The following RCAN1 variants were observed in gnomAD, a reference collection of about 807,000 sequenced individuals.
RCAN1 encodes the protein calcipressin-1.
A neutral mutation model predicts 22.9 loss-of-function variants in RCAN1; 11 were observed. That is an observed-to-expected ratio of 0.48 (90% CI 0.30 to 0.79). The LOEUF (loss-of-function observed/expected upper bound fraction) is 0.79, where lower values mean the gene tolerates loss of function less well. RCAN1 is among the 30% of genes least tolerant of loss of function. RCAN1 has a pLI of 0.06. For synonymous variants in RCAN1, 136 were observed against 142.3 expected (o/e 0.96, Z 0.32); for missense variants, 291 against 337.8 (o/e 0.86, Z 1.09).
At chr21:34,549,818 A>G (rs935158238) in intron 1 of RCAN1, among the ~76,000 whole-genome samples, 5 of 152,116 alleles carry the variant, frequency 3.3e-5, no homozygotes, top group African/African-American at 4.8e-5. Context: ...CCATCCATCC[A>G]TCCATCCACC....
At chr21:34,540,119 T>C (rs573163924) in intron 1 of RCAN1, among the ~76,000 whole-genome samples, 1 of 152,332 alleles carries the variant, frequency 6.6e-6, no homozygotes, top group Non-Finnish European at 1.5e-5. Flanking sequence ...GAATCTCCTT[T>C]CTAACAAGAC....
intron 3 of RCAN1, among the ~76,000 whole-genome samples, chr21:34,520,750 T>C (rs1984450668): frequency 1.3e-5 from 2 of 152,276 alleles, no homozygotes; most frequent in South Asian, 4.1e-4. Flanking sequence ...ACCAACATTT[T>C]ATGGTTTTCA....
intron 1 of RCAN1, among the ~76,000 whole-genome samples, chr21:34,576,265 A>C (rs1987408183): frequency 1.3e-5 from 2 of 152,224 alleles, no homozygotes; most frequent in South Asian, 4.1e-4. Context: ...TGCAATAAAC[A>C]AGTCACAGAG....
intron 1 of RCAN1, among the ~76,000 whole-genome samples, chr21:34,556,006 T>C (rs1196820081): frequency 1.3e-5 from 2 of 149,360 alleles, no homozygotes; most frequent in Admixed American, 6.8e-5. Context: ...GAGCTTGCAG[T>C]GAGCTGAGAT....
chr21:34,599,134 A>T (rs1404252461), intron 1 of RCAN1, among the ~76,000 whole-genome samples: 1 of 152,196 alleles, frequency 6.6e-6, no homozygotes, highest in Non-Finnish European at 1.5e-5. Flanking sequence ...TGGCTCAGAA[A>T]TTCCACTTCT....
intron 1 of RCAN1, among the ~76,000 whole-genome samples, chr21:34,551,420 A>T (rs1256383152): frequency 6.6e-6 from 1 of 152,212 alleles, no homozygotes; most frequent in Non-Finnish European, 1.5e-5. Context: ...TTATTTGAAA[A>T]TTCCATGGTA....
At chr21:34,558,358 G>A (rs1350876535) in intron 1 of RCAN1, among the ~76,000 whole-genome samples, 1 of 152,192 alleles carries the variant, frequency 6.6e-6, no homozygotes. Flanking sequence ...AGGAAAGCAG[G>A]CCTCAGGTTC....
chr21:34,520,932 C>T (rs981327851), intron 3 of RCAN1: 17 of 337,444 alleles, frequency 5.0e-5, no homozygotes, highest in African/African-American at 2.6e-4. Flanking sequence ...CTCCAGAGGA[C>T]GGGAACTTCC....
chr21:34,550,582 A>C (rs1484180788), intron 1 of RCAN1, among the ~76,000 whole-genome samples: 1 of 152,200 alleles, frequency 6.6e-6, no homozygotes, highest in Non-Finnish European at 1.5e-5. Context: ...TGAGGGAAAT[A>C]GCCCTGCCAT....
At chr21:34,572,435 C>T (rs909137248) in intron 1 of RCAN1, among the ~76,000 whole-genome samples, 1 of 152,108 alleles carries the variant, frequency 6.6e-6, no homozygotes, top group African/African-American at 2.4e-5. Context: ...CAGGGGGTGA[C>T]TAGGAGCTAA....
chr21:34,592,375 T>C, intron 1 of RCAN1, among the ~76,000 whole-genome samples: 1 of 152,190 alleles, frequency 6.6e-6, no homozygotes, highest in East Asian at 1.9e-4. Context: ...CACTGTCTTC[T>C]GACTGACTGG....
At position 34,614,935 on chromosome 21, in the gene RCAN1, G is replaced by T; in HGVS notation, c.77C>A (p.Pro26His). Residue 26 changes from proline to histidine, a missense_variant, in exon 1 of 4, where the codon CCC (proline) becomes CAC (histidine). Physicochemically the swap from Pro to His is moderately conservative, Grantham distance 77. Transcript: ENST00000313806. The surrounding 1 kb of genome is among the most constrained non-coding windows in gnomAD (Gnocchi z 6.0). ...CGCGAAGGGCCGCAGCGTCACCCCG[G>T]GCCGCGCTCGCGCCTCGGCCGCCTC... Reference protein sequence around the residue: ...AAEAAEARARPGVTLRPFAPL... With the variant: ...AAEAAEARARHGVTLRPFAPL... The T allele has an allele frequency of 1.5e-6, 2 of 1,294,796 alleles. No individual in the cohort carries two copies. Among genetic ancestry groups the T allele is most frequent in the African/African-American group, 3.2e-5 (2 of 63,478 alleles). 80.2% of individuals were successfully genotyped at this position (1,294,796 alleles called of 1,614,324 possible). A position where few individuals can be genotyped will look rare whatever the true frequency, so the allele number is the denominator to read the frequency against.
chr21:34,562,319 C>T (rs1029668344), intron 1 of RCAN1, among the ~76,000 whole-genome samples: 3 of 142,592 alleles, frequency 2.1e-5, no homozygotes, highest in Non-Finnish European at 3.0e-5. Context: ...ATGACTTCCC[C>T]GAATATTCTG....
At chr21:34,596,578 C>T (rs1375777167) in intron 1 of RCAN1, among the ~76,000 whole-genome samples, 5 of 152,138 alleles carry the variant, frequency 3.3e-5, no homozygotes, top group East Asian at 1.9e-4. Context: ...GCTGGGTTCT[C>T]GTAAGGTTTA....
intron 1 of RCAN1, among the ~76,000 whole-genome samples, chr21:34,593,353 GTTC>G (rs1988033642): frequency 6.6e-6 from 1 of 152,206 alleles, no homozygotes; most frequent in South Asian, 2.1e-4. Context: ...AGGCACAACT[GTTC>G]TCACCATATG....
At chr21:34,532,944 T>C (rs1601144960) in intron 1 of RCAN1, among the ~76,000 whole-genome samples, 1 of 148,436 alleles carries the variant, frequency 6.7e-6, no homozygotes, top group Admixed American at 6.9e-5. Flanking sequence ...TACAGTCATA[T>C]GATAAAAAAC....
In RCAN1 at chr21:34,521,595, G is replaced by A; in HGVS notation, c.490C>T (p.Pro164Ser). 6.2e-7 allele frequency: 1 copy of A among 1,614,172 alleles called. No individual in the cohort carries two copies. Among genetic ancestry groups the A allele is most frequent in the Non-Finnish European group, 8.5e-7 (1 of 1,180,036 alleles). ...CATCCCACTGGCGGAGAGGCGGGAG[G>A]GGAGATCAGAAACTGCTTGTCTGGA... ...PNPDKQFLIS[P>S]PASPPVGWKQ... The change falls in exon 3 of 4, where the codon CCT becomes TCT. Residue 164 changes from proline to serine, a missense_variant. Transcript: ENST00000313806.
intron 1 of RCAN1, among the ~76,000 whole-genome samples, chr21:34,592,990 G>A (rs1242612894): frequency 1.3e-5 from 2 of 152,198 alleles, no homozygotes. Context: ...CAGTACAGAA[G>A]ACCCATGAGG....
chr21:34,533,951 C>T (rs9984996), intron 1 of RCAN1, among the ~76,000 whole-genome samples: 55,396 of 151,880 alleles, frequency 0.36, 11,240 homozygotes, highest in African/African-American at 0.56. Flanking sequence ...AGGGTGGCTG[C>T]GGAGGAGGGT....
Sources: gnomAD v4.1 joint callset for allele counts (sites outside exome capture counted in the v4.1 genomes callset) on GRCh38, gnomAD v4.1.1 for gene constraint, Gnocchi (gnomAD v3.1) non-coding constraint, MANE v1.5 for transcripts, NCBI Gene and HGNC (gene_info 2026-07-23, HGNC 2026-07-21) for gene names.